RAC1: variants seen among roughly 807,000 people sequenced by gnomAD.
RAC1 encodes ras-related C3 botulinum toxin substrate 1.
A neutral mutation model predicts 25.2 loss-of-function variants in RAC1; 2 were observed. The observed-to-expected ratio is 0.08, with a 90% CI of 0.03 to 0.25. RAC1 has a LOEUF of 0.25. Ranked by LOEUF, RAC1 falls within the 10% of genes least tolerant of loss-of-function variation. The pLI, the probability that RAC1 is intolerant of heterozygous loss-of-function variation, is 1.00. For missense variants in RAC1, 50 were observed against 235.7 expected, an observed-to-expected ratio of 0.21 and a Z score of 5.16; for synonymous variants, 88 against 94.0, an observed-to-expected ratio of 0.94 and a Z score of 0.37.
intron 1 of RAC1, among the ~76,000 whole-genome samples, chr7:6,376,486 A>ATTTTTT (rs544818669): frequency 2.4e-5 from 3 of 122,914 alleles, no homozygotes; most frequent in African/African-American, 3.1e-5. Context: ...GCCCGGCCCA[A>ATTTTTT]TTTTTTTTTT....
At chr7:6,380,595 A>G (rs958086878) in intron 1 of RAC1, among the ~76,000 whole-genome samples, 6 of 152,184 alleles carry the variant, frequency 3.9e-5, no homozygotes, top group Non-Finnish European at 7.3e-5. Context: ...GTCTTCCTTG[A>G]AAGGAGATGT....
chr7:6,401,549 T>C (rs1783400903), intron 4 of RAC1: 2 of 186,506 alleles, frequency 1.1e-5, no homozygotes. Flanking sequence ...AAAAACAAAG[T>C]GATCTATTTG....
intron 1 of RAC1, among the ~76,000 whole-genome samples, chr7:6,380,710 C>T (rs544513346): frequency 3.9e-5 from 6 of 152,168 alleles, no homozygotes; most frequent in Non-Finnish European, 8.8e-5. Context: ...TAGTGGAAAG[C>T]ATTGTACAGT....
intron 1 of RAC1, among the ~76,000 whole-genome samples, chr7:6,377,992 G>T (rs764010394): frequency 4.6e-5 from 7 of 152,108 alleles, no homozygotes; most frequent in Non-Finnish European, 8.8e-5. Flanking sequence ...CTTTCAGGCT[G>T]TACGTCCCTC....
At chr7:6,398,104 C>T (rs895963230) in intron 3 of RAC1, among the ~76,000 whole-genome samples, 5 of 152,186 alleles carry the variant, frequency 3.3e-5, no homozygotes, top group African/African-American at 1.2e-4. Flanking sequence ...TACATTCAAA[C>T]CAGTCTCCCA....
intron 1 of RAC1, 98 bp from the exon 2 acceptor site, chr7:6,387,114 G>A: frequency 1.3e-6 from 1 of 766,574 alleles, no homozygotes; most frequent in African/African-American, 1.8e-5. Context: ...TGATGTATAT[G>A]CCTTGATTTT....
rs761562585 is a variant in RAC1 at position 6,403,399 on chromosome 7, G to C, written c.*953G>C. 1 of 212,856 alleles carries C rather than the reference G, an allele frequency of 4.7e-6. No homozygotes were observed. The highest frequency in any genetic ancestry group is 2.3e-5 in the African/African-American group (1 of 44,146). The allele number at this position is 212,856 out of a possible 1,614,324, so 13.2% of individuals were successfully genotyped here. On this transcript the variant is annotated 3_prime_UTR_variant, in exon 6 of 6. Transcript: ENST00000348035. ...GGTTGTTCTGTTAGTCGCTAACTTA[G>C]TAAGTGCTTTTCTTATAGAACCCCT...
intron 1 of RAC1, among the ~76,000 whole-genome samples, chr7:6,378,274 G>A (rs974134663): frequency 2.0e-5 from 3 of 152,114 alleles, no homozygotes; most frequent in South Asian, 2.1e-4. Flanking sequence ...TGCCAGGTGC[G>A]GTGGCTCATG....
chr7:6,398,639 A>AC (rs1783313839), intron 3 of RAC1: 1 of 1,611,206 alleles, frequency 6.2e-7, no homozygotes. Context: ...CTAAACTCAA[A>AC]CCAAGTTCTC....
chr7:6,391,050 C>T (rs1458349775), intron 2 of RAC1, among the ~76,000 whole-genome samples: 8 of 152,068 alleles, frequency 5.3e-5, no homozygotes, highest in Non-Finnish European at 1.0e-4. Flanking sequence ...GTGCCTGTCA[C>T]CACGCCCTGG....
intron 4 of RAC1, among the ~76,000 whole-genome samples, chr7:6,400,834 C>T (rs948345168): frequency 1.4e-4 from 21 of 152,064 alleles, no homozygotes; most frequent in African/African-American, 4.3e-4. Context: ...CACCACCACG[C>T]CCGGCTAATT....
chr7:6,395,694 T>G (rs1189571687), intron 3 of RAC1, among the ~76,000 whole-genome samples: 1 of 152,174 alleles, frequency 6.6e-6, no homozygotes, highest in Non-Finnish European at 1.5e-5. Flanking sequence ...TATTCAATAG[T>G]AACACCTCCA....
chr7:6,375,685 AC>A (rs202188618), intron 1 of RAC1, among the ~76,000 whole-genome samples: 1 of 151,094 alleles, frequency 6.6e-6, no homozygotes, highest in African/African-American at 2.4e-5. Context: ...TTTTTTTTAA[AC>A]AACGTGGTGT....
intron 1 of RAC1, among the ~76,000 whole-genome samples, chr7:6,386,275 C>A (rs34178055): frequency 0.14 from 21,647 of 152,006 alleles, 1,755 homozygotes; most frequent in Admixed American, 0.22. Flanking sequence ...AGGATTGGGG[C>A]TGGGGGAGGT....
intron 1 of RAC1, among the ~76,000 whole-genome samples, chr7:6,377,200 GTTTT>G (rs386359613): frequency 5.6e-5 from 8 of 141,954 alleles, no homozygotes; most frequent in Non-Finnish European, 1.1e-4. Flanking sequence ...TTTTCAGTCT[GTTTT>G]TTTTTTTTAA....
chr7:6,398,233 C>T (rs965180016), intron 3 of RAC1, among the ~76,000 whole-genome samples: 64 of 152,204 alleles, frequency 4.2e-4, no homozygotes, highest in African/African-American at 5.5e-4. Flanking sequence ...CATTTACAGA[C>T]GGGTCCTTTT....
intron 1 of RAC1, among the ~76,000 whole-genome samples, chr7:6,385,436 G>T (rs946923691): frequency 2.6e-5 from 4 of 152,188 alleles, no homozygotes; most frequent in African/African-American, 9.7e-5. Context: ...AATACAGCCA[G>T]TACGTGCTAG....
intron 1 of RAC1, among the ~76,000 whole-genome samples, chr7:6,375,400 G>GT (rs988082856): frequency 6.8e-4 from 103 of 152,058 alleles, no homozygotes; most frequent in African/African-American, 2.1e-3. Context: ...ATCTTTAAAA[G>GT]TTTTTTGTAG....
chr7:6,401,581 TTTTG>T (rs1226237050), intron 4 of RAC1: 19 of 234,258 alleles, frequency 8.1e-5, no homozygotes, highest in African/African-American at 4.3e-4. Flanking sequence ...ACTCCCTTCC[TTTTG>T]TTTCTCTTCC....
Sources: gnomAD v4.1 joint callset for allele counts (sites outside exome capture counted in the v4.1 genomes callset) on GRCh38, gnomAD v4.1.1 for gene constraint, MANE v1.5 for transcripts, NCBI Gene and HGNC (gene_info 2026-07-23, HGNC 2026-07-21) for gene names.